The following ZNF521 variants were observed in gnomAD, a reference collection of about 807,000 sequenced individuals.
ZNF521 encodes LYST-interacting protein 3.
A neutral mutation model predicts 105.5 loss-of-function variants in ZNF521; 14 were observed. That is an observed-to-expected ratio of 0.13 (90% CI 0.09 to 0.21). The LOEUF is 0.21. Ranked by LOEUF, ZNF521 falls within the 10% of genes least tolerant of loss-of-function variation. The pLI, the probability that ZNF521 is intolerant of heterozygous loss-of-function variation, is 1.00. For synonymous variants in ZNF521, 635 were observed against 606.0 expected, an observed-to-expected ratio of 1.05 and a Z score of -0.70; for missense variants, 1,233 against 1,629.7, an observed-to-expected ratio of 0.76 and a Z score of 4.19.
At chr18:25,333,314 C>CTATATA (rs67351091) in intron 2 of ZNF521, among the ~76,000 whole-genome samples, 50 of 145,776 alleles carry the variant, frequency 3.4e-4, no homozygotes, top group East Asian at 2.2e-3. Flanking sequence ...CTCTCTCTCT[C>CTATATA]TATATATATA....
At chr18:25,249,432 C>T (rs1028315568) in intron 3 of ZNF521, among the ~76,000 whole-genome samples, 7 of 151,616 alleles carry the variant, frequency 4.6e-5, no homozygotes, top group Admixed American at 3.9e-4. Flanking sequence ...GCTGGGATTA[C>T]AGGCTTGAGC....
intron 5 of ZNF521, among the ~76,000 whole-genome samples, chr18:25,141,924 T>C (rs1220622336): frequency 6.6e-6 from 1 of 152,150 alleles, no homozygotes; most frequent in Non-Finnish European, 1.5e-5. Context: ...TTTTTGCTCA[T>C]TTGCGCCTGT....
At chr18:25,233,977 C>T (rs1417393531) in intron 3 of ZNF521, among the ~76,000 whole-genome samples, 4 of 152,188 alleles carry the variant, frequency 2.6e-5, no homozygotes. Flanking sequence ...GCAGTTCACA[C>T]TTAACTCCAC....
chr18:25,163,275 C>A (rs754905493), intron 5 of ZNF521, among the ~76,000 whole-genome samples: 1 of 152,148 alleles, frequency 6.6e-6, no homozygotes, highest in Non-Finnish European at 1.5e-5. Flanking sequence ...GCAAGTATGG[C>A]CTGAATCAAA....
At chr18:25,243,448 C>T (rs1193718728) in intron 3 of ZNF521, among the ~76,000 whole-genome samples, 1 of 152,154 alleles carries the variant, frequency 6.6e-6, no homozygotes, top group Non-Finnish European at 1.5e-5. Flanking sequence ...GAAAAGGACA[C>T]AATTAAAAGA....
chr18:25,319,525 G>C (rs1174272932), intron 3 of ZNF521, among the ~76,000 whole-genome samples: 1 of 151,772 alleles, frequency 6.6e-6, no homozygotes. Context: ...GAACCCAGGA[G>C]GCAGAGGTTG....
At chr18:25,284,761 T>C (rs748228648) in intron 3 of ZNF521, among the ~76,000 whole-genome samples, 2 of 151,822 alleles carry the variant, frequency 1.3e-5, no homozygotes, top group Admixed American at 6.6e-5. Flanking sequence ...GACAGGTACA[T>C]TGGGAGTATA....
At chr18:25,065,016 G>T (rs980435971) in intron 7 of ZNF521, among the ~76,000 whole-genome samples, 13 of 152,124 alleles carry the variant, frequency 8.5e-5, no homozygotes, top group African/African-American at 3.1e-4. Flanking sequence ...GGTAATAAAA[G>T]TACTAATGAG....
chr18:25,258,172 C>T (rs1000743189), intron 3 of ZNF521, among the ~76,000 whole-genome samples: 2 of 152,144 alleles, frequency 1.3e-5, no homozygotes, highest in Non-Finnish European at 1.5e-5. Flanking sequence ...ACTTCCTGTT[C>T]GTTACCTTCT....
intron 3 of ZNF521, chr18:25,231,580 T>G (rs1906531225): frequency 6.6e-6 from 1 of 152,000 alleles, no homozygotes; most frequent in East Asian, 1.9e-4. Flanking sequence ...AGCACGCAAA[T>G]GAGGGTCTGA....
intron 3 of ZNF521, among the ~76,000 whole-genome samples, chr18:25,240,337 A>T (rs1907223071): frequency 6.6e-6 from 1 of 152,122 alleles, no homozygotes; most frequent in Admixed American, 6.5e-5. Context: ...CCATGATCTC[A>T]CAGGAAGTGG....
rs1379833704 is a variant in ZNF521 at position 25,121,115 on chromosome 18, T to TTC, written c.3659-29035_3659-29034insGA. Among the ~76,000 whole-genome samples, 2 of 145,108 alleles carry TTC rather than the reference T, an allele frequency of 1.4e-5. 1 individual carries two copies. The highest frequency in any genetic ancestry group is 5.0e-5 in the African/African-American group (2 of 39,632). On this transcript the variant is annotated intron_variant, in intron 5 of 7. Coordinates refer to ENST00000361524, the MANE Select transcript of ZNF521 (RefSeq NM_015461.3). The stretch of plus-strand genomic sequence containing the variant: ...GAGTGAAAGGGAAGAAGGAGTATTT[T>TTC]TTTTTTTTTTTTTTGAGACAGAGTC...
intron 5 of ZNF521, among the ~76,000 whole-genome samples, chr18:25,134,413 G>T (rs921439596): frequency 3.3e-5 from 5 of 152,126 alleles, no homozygotes; most frequent in African/African-American, 1.2e-4. Flanking sequence ...GAATTACTTG[G>T]ACACAAATCA....
chr18:25,235,706 T>C (rs185329060), intron 3 of ZNF521, among the ~76,000 whole-genome samples: 1 of 152,328 alleles, frequency 6.6e-6, no homozygotes, highest in Non-Finnish European at 1.5e-5. Flanking sequence ...ACCTGTATTA[T>C]AACCATGGCA....
chr18:25,136,665 G>C (rs1199373195), intron 5 of ZNF521: 2 of 152,230 alleles, frequency 1.3e-5, no homozygotes, highest in Non-Finnish European at 2.9e-5. Context: ...TTAATCACTA[G>C]GCTACGCTGT....
At chr18:25,098,207 C>A (rs990390151) in intron 5 of ZNF521, among the ~76,000 whole-genome samples, 1 of 152,148 alleles carries the variant, frequency 6.6e-6, no homozygotes, top group Non-Finnish European at 1.5e-5. Flanking sequence ...AAACAGCCCA[C>A]CAAAAAGGTG....
chr18:25,066,005 G>C (rs1254131992), intron 7 of ZNF521, among the ~76,000 whole-genome samples: 1 of 152,184 alleles, frequency 6.6e-6, no homozygotes, highest in African/African-American at 2.4e-5. Flanking sequence ...GCAAGGGTAT[G>C]GCTTGTGAAA....
intron 3 of ZNF521, among the ~76,000 whole-genome samples, chr18:25,232,905 G>A (rs1906631107): frequency 1.3e-5 from 2 of 152,110 alleles, no homozygotes; most frequent in Admixed American, 1.3e-4. Flanking sequence ...CTGCCAGCAG[G>A]CTATAGGAGC....
intron 5 of ZNF521, among the ~76,000 whole-genome samples, chr18:25,097,195 A>C (rs1447566956): frequency 6.6e-6 from 1 of 152,154 alleles, no homozygotes; most frequent in Non-Finnish European, 1.5e-5. Flanking sequence ...GGCAGACTGC[A>C]GTATAATTTG....
Sources: allele counts gnomAD v4.1 joint callset (sites outside exome capture counted in the v4.1 genomes callset), GRCh38; gene constraint gnomAD v4.1.1; transcripts MANE v1.5; gene names NCBI Gene and HGNC (gene_info 2026-07-23, HGNC 2026-07-21).